Variants in SESN1 observed in about 807,000 individuals in gnomAD.
The protein encoded by SESN1 is sestrin-1.
A neutral mutation model predicts 59.3 loss-of-function variants in SESN1; 30 were observed. The ratio of observed to expected loss-of-function variants is 0.51; its 90% CI spans 0.38 to 0.69. The LOEUF (loss-of-function observed/expected upper bound fraction) is 0.69, where lower values mean the gene tolerates loss of function less well. SESN1 is among the 30% of genes least tolerant of loss of function. The pLI, the probability that SESN1 is intolerant of heterozygous loss-of-function variation, is 0.00. For missense variants in SESN1, 566 were observed against 673.0 expected (o/e 0.84, Z 1.76); for synonymous variants, 197 against 219.9 (o/e 0.90, Z 0.92).
intron 1 of SESN1, among the ~76,000 whole-genome samples, chr6:109,023,702 A>T (rs1780044056): frequency 6.6e-6 from 1 of 152,226 alleles, no homozygotes; most frequent in Non-Finnish European, 1.5e-5. Flanking sequence ...GGCTTTGCAC[A>T]TAGAATACTA....
intron 1 of SESN1, among the ~76,000 whole-genome samples, chr6:109,012,400 C>G (rs992730688): frequency 1.3e-5 from 2 of 152,152 alleles, no homozygotes; most frequent in Non-Finnish European, 2.9e-5. Flanking sequence ...GGTCAACTTA[C>G]TCAACTGTAT....
In SESN1 at chr6:109,007,785, CTTT is replaced by C. The variant is rs3083610; in HGVS notation, c.280-5445_280-5443del. On this transcript the variant is annotated intron_variant, in intron 1 of 9. Coordinates refer to ENST00000436639, the MANE Select transcript of SESN1 (RefSeq NM_014454.3). The stretch of plus-strand genomic sequence containing the variant: ...TTCAGAAATACTGAAAGTCCAGGTA[CTTT>C]TTTTTTTTTTTTTTTTTGCCTTCTA... Among the ~76,000 whole-genome samples, 885 of 103,306 alleles carry C rather than the reference CTTT, an allele frequency of 8.6e-3. 11 individuals are homozygous for C. Among genetic ancestry groups the C allele is most frequent in the African/African-American group, 0.028 (813 of 28,952 alleles). The allele number at this position is 103,306 out of a possible 152,430, so 67.8% of individuals were successfully genotyped here. A position where few individuals can be genotyped will look rare whatever the true frequency, so the allele number is the denominator to read the frequency against.
chr6:109,052,134 A>AT (rs1780551783), intron 1 of SESN1, among the ~76,000 whole-genome samples: 1 of 152,218 alleles, frequency 6.6e-6, no homozygotes, highest in Non-Finnish European at 1.5e-5. Flanking sequence ...CTGCAAATAC[A>AT]TCAAAATGAA....
chr6:109,054,095 G>A (rs1780590448), intron 1 of SESN1, among the ~76,000 whole-genome samples: 2 of 151,364 alleles, frequency 1.3e-5, no homozygotes, highest in Non-Finnish European at 2.9e-5. Flanking sequence ...GGGGGGGGAG[G>A]GATCTGGGAA....
intron 1 of SESN1, among the ~76,000 whole-genome samples, chr6:109,037,284 G>GT (rs1276365700): frequency 2.6e-5 from 4 of 152,166 alleles, no homozygotes; most frequent in Admixed American, 1.3e-4. Flanking sequence ...TAAAAATTTT[G>GT]TTTTTTCTCT....
chr6:109,026,421 C>T (rs1341348766), intron 1 of SESN1, among the ~76,000 whole-genome samples: 1 of 152,170 alleles, frequency 6.6e-6, no homozygotes, highest in African/African-American at 2.4e-5. Context: ...TGTACGAATT[C>T]TGAATAGCTT....
chr6:109,074,027 C>T (rs1173982920), intron 1 of SESN1, among the ~76,000 whole-genome samples: 1 of 152,122 alleles, frequency 6.6e-6, no homozygotes, highest in African/African-American at 2.4e-5. Context: ...TATGGTCATC[C>T]CATAAAATTA....
chr6:109,030,466 A>G (rs1780165545), intron 1 of SESN1, among the ~76,000 whole-genome samples: 1 of 152,216 alleles, frequency 6.6e-6, no homozygotes, highest in Non-Finnish European at 1.5e-5. Flanking sequence ...GTATCAATAG[A>G]TGAGGCACCT....
At chr6:109,022,566 G>A (rs886907035) in intron 1 of SESN1, among the ~76,000 whole-genome samples, 4 of 151,242 alleles carry the variant, frequency 2.6e-5, no homozygotes, top group Non-Finnish European at 2.9e-5. Context: ...CCACCACCAC[G>A]CCCGGCTAAT....
At chr6:109,076,923 C>T (rs894090361) in intron 1 of SESN1, among the ~76,000 whole-genome samples, 1 of 152,204 alleles carries the variant, frequency 6.6e-6, no homozygotes, top group Non-Finnish European at 1.5e-5. Context: ...GTGCAAAAAT[C>T]ATTGTGTGTG....
At chr6:109,074,263 T>C (rs1266447522) in intron 1 of SESN1, among the ~76,000 whole-genome samples, 1 of 151,998 alleles carries the variant, frequency 6.6e-6, no homozygotes, top group African/African-American at 2.4e-5. Context: ...ATATCTGTCA[T>C]TAAGCAACAC....
rs571621157 is a variant in SESN1, at chr6:108,985,189, A to G, written c.*2355T>C. 9.8e-4 allele frequency among the ~76,000 whole-genome samples: 149 copies of G among 152,348 alleles called. 1 individual carries two copies. Among genetic ancestry groups the G allele is most frequent in the African/African-American group, 3.4e-3 (140 of 41,586 alleles). ...AGTGCTTATCCAACAAGTTTTACTTATCTACTTATCTCCTGGTGGTCTGTA... is the reference window on the plus strand; with the variant it reads ...AGTGCTTATCCAACAAGTTTTACTTGTCTACTTATCTCCTGGTGGTCTGTA... On this transcript the variant is annotated 3_prime_UTR_variant, in exon 10 of 10. Transcript: ENST00000436639.
At chr6:109,012,787 G>A (rs1396349219) in intron 1 of SESN1, among the ~76,000 whole-genome samples, 5 of 152,088 alleles carry the variant, frequency 3.3e-5, no homozygotes, top group African/African-American at 1.2e-4. Flanking sequence ...CTGGAAAAGA[G>A]GGTAAGGAGA....
rs776876641 is a variant in SESN1, at chr6:109,000,495, A to G, written c.725T>C (p.Ile242Thr). Reference sequence around the variant, plus strand: ...ATATATTACCCCACTGCTTACCTCAATGTGTTCTTTGGTAATAAGCCAAGG... The same window carrying G: ...ATATATTACCCCACTGCTTACCTCAGTGTGTTCTTTGGTAATAAGCCAAGG... ...HRPWLITKEHIEGLLKAEEHS... is the reference protein window; with the variant it reads ...HRPWLITKEHTEGLLKAEEHS... The change falls in exon 4 of 10, where the codon ATT (isoleucine) becomes ACT (threonine). Residue 242 changes from isoleucine to threonine, a missense_variant. Transcript: ENST00000436639. 8.1e-5 allele frequency: 127 copies of G among 1,564,530 alleles called. No homozygotes were observed. Among genetic ancestry groups the G allele is most frequent in the Non-Finnish European group, 1.0e-4 (120 of 1,154,452 alleles).
chr6:109,026,861 A>G (rs1002302412), intron 1 of SESN1, among the ~76,000 whole-genome samples: 2 of 152,016 alleles, frequency 1.3e-5, no homozygotes, highest in East Asian at 1.9e-4. Context: ...ACCATTTTAT[A>G]TTATCACCCA....
rs761059613 is a variant in SESN1 at position 108,990,808 on chromosome 6, A to C, written c.1261T>G (p.Ser421Ala). ...TCTGGATAAAGGCGATTTACCAAAG[A>C]ATAACCATGATCTTCCCAGCAATAG... is the stretch of plus-strand genomic sequence containing the variant. ...QDYCWEDHGY[S>A]LVNRLYPDVG... Residue 421 changes from serine (S) to alanine (A), a missense_variant, in exon 8 of 10, where the codon TCT (serine) becomes GCT (alanine). Transcript: ENST00000436639. The C allele has an allele frequency of 8.7e-6, 14 of 1,614,032 alleles. No homozygotes were observed. In the South Asian group the frequency reaches 1.5e-4, roughly 18 times the overall value.
intron 1 of SESN1, among the ~76,000 whole-genome samples, chr6:109,081,006 A>C (rs1781112675): frequency 6.6e-6 from 1 of 152,156 alleles, no homozygotes; most frequent in South Asian, 2.1e-4. Context: ...CATCCCGAAG[A>C]TATCTCATTA....
intron 1 of SESN1, among the ~76,000 whole-genome samples, chr6:109,089,364 C>T (rs1781271134): frequency 6.6e-6 from 1 of 152,172 alleles, no homozygotes; most frequent in Admixed American, 6.6e-5. Flanking sequence ...TACTATATGA[C>T]ATTAAGAAGT....
chr6:109,000,450 A>T, intron 4 of SESN1, 41 bp downstream of exon 4: 2 of 1,388,364 alleles, frequency 1.4e-6, no homozygotes, highest in South Asian at 2.0e-5. Flanking sequence ...GCTCTAAAAA[A>T]GTCTGAAATG....
Sources: gnomAD v4.1 joint callset for allele counts (sites outside exome capture counted in the v4.1 genomes callset) on GRCh38, gnomAD v4.1.1 for gene constraint, MANE v1.5 for transcripts, NCBI Gene and HGNC (gene_info 2026-07-23, HGNC 2026-07-21) for gene names.